Variants in GAN observed in about 807,000 individuals in gnomAD.
GAN encodes epididymis secretory sperm binding protein.
Under a neutral mutation model 71.3 loss-of-function variants are expected in GAN, and 48 were observed. That is an observed-to-expected ratio of 0.67 (90% confidence interval 0.53 to 0.86). GAN has a LOEUF of 0.86. GAN is among the 40% of genes least tolerant of loss of function. GAN has a pLI of 0.00. For missense variants in GAN, 928 were observed against 770.1 expected (o/e 1.21, Z -2.43); for synonymous variants, 386 against 276.8 (o/e 1.39, Z -3.92).
chr16:81,345,058 C>T (rs1910071911), intron 1 of GAN, among the ~76,000 whole-genome samples: 1 of 152,194 alleles, frequency 6.6e-6, no homozygotes, highest in Non-Finnish European at 1.5e-5. Context: ...GAGATACCAT[C>T]TCACACCAGT....
At position 81,363,830 on chromosome 16, in the gene GAN, A is replaced by G. The variant is rs201252856; in HGVS notation, c.1123A>G (p.Met375Val). 1 of 1,613,014 alleles carries G rather than the reference A, an allele frequency of 6.2e-7. No homozygotes were observed. Among genetic ancestry groups the G allele is most frequent in the Admixed American group, 1.7e-5 (1 of 60,008 alleles). Residue 375 changes from methionine (M) to valine (V), a missense_variant, in exon 7 of 11, where the codon ATG (methionine) becomes GTG (valine). Met to Val is a conservative substitution (Grantham distance 21). Transcript: ENST00000648994. The part of the protein sequence containing the change: ...HNFGIVEIDG[M>V]LYILGGEDGE... Reference sequence around the variant, plus strand: ...CTTCGGAATTGTGGAGATAGATGGGATGCTGTACATTTTGGGAGGAGAGGA... The same window carrying G: ...CTTCGGAATTGTGGAGATAGATGGGGTGCTGTACATTTTGGGAGGAGAGGA...
Position 81,383,421 on chromosome 16 carries a change from T to G in GAN, c.*5825T>G, listed in dbSNP as rs1273731790. ...GTGCTTATTACCACACTCGGCGAAT[T>G]TTTTGTGTTTTTAGTAGAGACGGGG... is the stretch of plus-strand genomic sequence containing the variant. On this transcript the variant is annotated 3_prime_UTR_variant, in exon 11 of 11. Coordinates refer to ENST00000648994, the MANE Select transcript of GAN (RefSeq NM_022041.4). 1 of 151,736 alleles carries G rather than the reference T, an allele frequency of 6.6e-6. No homozygotes were observed. The highest frequency in any genetic ancestry group is 1.5e-5 in the Non-Finnish European group (1 of 67,922). 9.4% of individuals were successfully genotyped at this position (151,736 alleles called of 1,614,324 possible).
At chr16:81,326,797 T>C (rs1567479681) in intron 1 of GAN, among the ~76,000 whole-genome samples, 1 of 152,182 alleles carries the variant, frequency 6.6e-6, no homozygotes, top group Non-Finnish European at 1.5e-5. Flanking sequence ...TATGTGTATC[T>C]AAACATAGAA....
At chr16:81,362,853 C>G (rs1422812316) in intron 6 of GAN, among the ~76,000 whole-genome samples, 4 of 152,208 alleles carry the variant, frequency 2.6e-5, no homozygotes, top group Admixed American at 2.6e-4. Context: ...ATTTATCCTG[C>G]CCTGTGCAGA....
At position 81,314,981 on chromosome 16, in the gene GAN, C is replaced by A. The variant is rs112244709; in HGVS notation, c.-133C>A. The stretch of plus-strand genomic sequence containing the variant: ...CGCCGCGGATAGCACAGGCACGTCC[C>A]GGGGGCTCCAGCTTCTGCTCAGAGC... On this transcript the variant is annotated 5_prime_UTR_variant, in exon 1 of 11. Transcript: ENST00000648994. 1 of 733,186 alleles carries A rather than the reference C, an allele frequency of 1.4e-6. No homozygotes were observed. The highest frequency in any genetic ancestry group is 2.0e-6 in the Non-Finnish European group (1 of 509,560). 45.4% of individuals were successfully genotyped at this position (733,186 alleles called of 1,614,324 possible).
At chr16:81,376,207 C>A (rs1482978067) in intron 9 of GAN, among the ~76,000 whole-genome samples, 1 of 150,842 alleles carries the variant, frequency 6.6e-6, no homozygotes, top group Non-Finnish European at 1.5e-5. Flanking sequence ...TTCCAGTAAA[C>A]AATAACCTTA....
At chr16:81,327,660 A>G (rs1909433980) in intron 1 of GAN, among the ~76,000 whole-genome samples, 1 of 152,206 alleles carries the variant, frequency 6.6e-6, no homozygotes, top group Admixed American at 6.5e-5. Context: ...AGAAAATGGA[A>G]AGTGAGTAGA....
chr16:81,382,642 A>G lies in GAN; in HGVS notation c.*5046A>G, dbSNP rs1904311217. The G allele has an allele frequency of 1.3e-5, 2 of 152,232 alleles. No individual in the cohort carries two copies. The highest frequency in any genetic ancestry group is 6.5e-5 in the Admixed American group (1 of 15,284). 9.4% of individuals were successfully genotyped at this position (152,232 alleles called of 1,614,324 possible). On this transcript the variant is annotated 3_prime_UTR_variant, in exon 11 of 11. Transcript: ENST00000648994. ...TCTGTCTGTAGTTTTGAGAAATTAC[A>G]GAAATTCATAGTATAAGGATGAGAA...
At chr16:81,358,811 C>G (rs1336237768) in intron 5 of GAN, among the ~76,000 whole-genome samples, 1 of 152,198 alleles carries the variant, frequency 6.6e-6, no homozygotes, top group African/African-American at 2.4e-5. Flanking sequence ...GGCTGCCTGT[C>G]TTTTCGCCGT....
rs1904450064 is a variant in GAN at position 81,387,882 on chromosome 16, T to C, written c.*10286T>C. 6.6e-6 allele frequency: 1 copy of C among 152,076 alleles called. No homozygotes were observed. Among genetic ancestry groups the C allele is most frequent in the Non-Finnish European group, 1.5e-5 (1 of 68,024 alleles). 9.4% of individuals were successfully genotyped at this position (152,076 alleles called of 1,614,324 possible). A position where few individuals can be genotyped will look rare whatever the true frequency, so the allele number is the denominator to read the frequency against. The stretch of plus-strand genomic sequence containing the variant: ...TAGGGGAAACACGGGATCAAGATCA[T>C]TAGAGATTTATAGGCTGGGATGCAC... On this transcript the variant is annotated 3_prime_UTR_variant, in exon 11 of 11. Transcript: ENST00000648994.
rs1384173200 is a variant in GAN at position 81,386,778 on chromosome 16, C to G, written c.*9182C>G. 6.6e-6 allele frequency: 1 copy of G among 152,270 alleles called. No homozygotes were observed. The highest frequency in any genetic ancestry group is 2.4e-5 in the African/African-American group (1 of 41,458). 9.4% of individuals were successfully genotyped at this position (152,270 alleles called of 1,614,324 possible). On this transcript the variant is annotated 3_prime_UTR_variant, in exon 11 of 11. Transcript: ENST00000648994. ...CCTGACCAACGTGGAGAAACCCCGT[C>G]TCTATTAAAAATACAAAATTAGCCG...
intron 1 of GAN, among the ~76,000 whole-genome samples, chr16:81,326,775 C>G (rs1011116435): frequency 6.6e-6 from 1 of 152,160 alleles, no homozygotes; most frequent in African/African-American, 2.4e-5. Flanking sequence ...AGTTACAACA[C>G]AGCGGCAAGT....
At chr16:81,350,508 T>C (rs1325003883) in intron 1 of GAN, among the ~76,000 whole-genome samples, 1 of 141,184 alleles carries the variant, frequency 7.1e-6, no homozygotes, top group Non-Finnish European at 1.5e-5. Flanking sequence ...TTTATTTATT[T>C]ACTTACTTAA....
chr16:81,365,202 A>G, intron 8 of GAN, 92 bp downstream of exon 8: 4 of 1,566,178 alleles, frequency 2.6e-6, no homozygotes, highest in African/African-American at 2.7e-5. Flanking sequence ...CTTTTCTTTC[A>G]GAGTAACCTT....
rs766607608 is a variant in GAN at position 81,362,522 on chromosome 16, G to T, written c.997G>T (p.Gly333Cys). ...SAEGFLFVFG[G>C]QDENKQTLSS... Reference sequence around the variant, plus strand: ...AGAAGGATTTTTGTTTGTATTCGGGGGCCAAGATGAAAATAAGCAGACTCT... The same window carrying T: ...AGAAGGATTTTTGTTTGTATTCGGGTGCCAAGATGAAAATAAGCAGACTCT... The change falls in exon 6 of 11, where the codon GGC becomes TGC. Residue 333 changes from glycine (G) to cysteine (C), a missense_variant. Physicochemically the swap from Gly to Cys is radical, Grantham distance 159 (BLOSUM62 -3). Coordinates refer to ENST00000648994, the MANE Select transcript of GAN (RefSeq NM_022041.4). 1 of 1,605,472 alleles carries T rather than the reference G, an allele frequency of 6.2e-7. No individual in the cohort carries two copies. The highest frequency in any genetic ancestry group is 1.7e-5 in the Admixed American group (1 of 60,004).
At chr16:81,345,073 ACG>A (rs1447408375) in intron 1 of GAN, among the ~76,000 whole-genome samples, 3 of 152,224 alleles carry the variant, frequency 2.0e-5, no homozygotes. Flanking sequence ...ACCAGTTAGA[ACG>A]GCGATCATTA....
rs1297065378 is a variant in GAN at position 81,382,177 on chromosome 16, T to C, written c.*4581T>C. On this transcript the variant is annotated 3_prime_UTR_variant, in exon 11 of 11. Transcript: ENST00000648994. ...GGTAATCTTGGAGGCCTGATAGATATGGCTTCATTTCTCACTTTAGGGAGG... is the reference window on the plus strand; with the variant it reads ...GGTAATCTTGGAGGCCTGATAGATACGGCTTCATTTCTCACTTTAGGGAGG... 1 of 152,222 alleles carries C rather than the reference T, an allele frequency of 6.6e-6. No homozygotes were observed. Among genetic ancestry groups the C allele is most frequent in the Non-Finnish European group, 1.5e-5 (1 of 68,042 alleles). The allele number at this position is 152,222 out of a possible 1,614,324, so 9.4% of individuals were successfully genotyped here. A position where few individuals can be genotyped will look rare whatever the true frequency, so the allele number is the denominator to read the frequency against.
At chr16:81,339,324 T>C (rs1236239085) in intron 1 of GAN, among the ~76,000 whole-genome samples, 1 of 152,238 alleles carries the variant, frequency 6.6e-6, no homozygotes, top group African/African-American at 2.4e-5. Context: ...CTTTCAGCGT[T>C]GTACAGATAC....
rs1358847670 is a variant in GAN at position 81,382,251 on chromosome 16, G to C, written c.*4655G>C. On this transcript the variant is annotated 3_prime_UTR_variant, in exon 11 of 11. Coordinates refer to ENST00000648994, the MANE Select transcript of GAN (RefSeq NM_022041.4). Reference sequence around the variant, plus strand: ...AGGTCTTTGGATTATCAGCTCACCAGTCAGCCAGTGAGGCTGGAACTTGAT... The same window carrying C: ...AGGTCTTTGGATTATCAGCTCACCACTCAGCCAGTGAGGCTGGAACTTGAT... The C allele has an allele frequency of 1.3e-5, 2 of 152,146 alleles. No individual in the cohort carries two copies. The highest frequency in any genetic ancestry group is 1.3e-4 in the Admixed American group (2 of 15,256). 9.4% of individuals were successfully genotyped at this position (152,146 alleles called of 1,614,324 possible). A position where few individuals can be genotyped will look rare whatever the true frequency, so the allele number is the denominator to read the frequency against.
Sources: allele counts gnomAD v4.1 joint callset (sites outside exome capture counted in the v4.1 genomes callset), GRCh38; gene constraint gnomAD v4.1.1; transcripts MANE v1.5; gene names NCBI Gene and HGNC (gene_info 2026-07-23, HGNC 2026-07-21).